Variants in ASXL2 observed in about 807,000 individuals in gnomAD.
ASXL2 encodes ASXL transcriptional regulator 2, also known as putative Polycomb group protein ASXL2.
ASXL2 carries 23 observed loss-of-function variants against 122.0 expected under a neutral mutation model. That is an observed-to-expected ratio of 0.19 (90% CI 0.14 to 0.27). ASXL2 has a LOEUF of 0.27. Ranked by LOEUF, ASXL2 falls within the 10% of genes least tolerant of loss-of-function variation. The pLI is 1.00. For missense variants in ASXL2, 1,518 were observed against 1,713.8 expected, an observed-to-expected ratio of 0.89 and a Z score of 2.02; for synonymous variants, 650 against 637.0, an observed-to-expected ratio of 1.02 and a Z score of -0.31.
intron 1 of ASXL2, among the ~76,000 whole-genome samples, chr2:25,874,361 T>C (rs1423081785): frequency 2.6e-5 from 4 of 152,118 alleles, no homozygotes; most frequent in African/African-American, 9.7e-5. Flanking sequence ...TGGCAGCGCA[T>C]GCCTGTAGTC....
At chr2:25,754,153 T>C (rs2088093241) in intron 10 of ASXL2, among the ~76,000 whole-genome samples, 1 of 152,122 alleles carries the variant, frequency 6.6e-6, no homozygotes, top group African/African-American at 2.4e-5. Context: ...TCTGGAGTTG[T>C]CAGTTTTCTA....
At chr2:25,840,431 C>T (rs2089567217) in intron 2 of ASXL2, among the ~76,000 whole-genome samples, 1 of 152,212 alleles carries the variant, frequency 6.6e-6, no homozygotes, top group Non-Finnish European at 1.5e-5. Flanking sequence ...GCATTAAGTA[C>T]ATTCACAATG....
intron 5 of ASXL2, among the ~76,000 whole-genome samples, chr2:25,786,987 A>AG (rs918221711): frequency 3.3e-5 from 5 of 151,918 alleles, no homozygotes; most frequent in African/African-American, 1.2e-4. Context: ...GGCAAAAAAA[A>AG]AAAAGAAAAA....
At chr2:25,750,790 G>A (rs933776393) in intron 11 of ASXL2, among the ~76,000 whole-genome samples, 6 of 152,200 alleles carry the variant, frequency 3.9e-5, no homozygotes, top group African/African-American at 1.4e-4. Context: ...TGCTTATAGA[G>A]GGGCCACATT....
chr2:25,783,979 G>A (rs911458716), intron 5 of ASXL2, among the ~76,000 whole-genome samples: 1 of 151,744 alleles, frequency 6.6e-6, no homozygotes, highest in African/African-American at 2.4e-5. Flanking sequence ...GCTTGAAATC[G>A]GAAGGCGGAG....
intron 4 of ASXL2, among the ~76,000 whole-genome samples, chr2:25,805,720 G>C (rs763155225): frequency 6.6e-6 from 1 of 152,008 alleles, no homozygotes; most frequent in Non-Finnish European, 1.5e-5. Context: ...CTGTCGCCCA[G>C]GCTGGAGTGC....
At chr2:25,834,003 T>C (rs1011895132) in intron 3 of ASXL2, among the ~76,000 whole-genome samples, 4 of 152,294 alleles carry the variant, frequency 2.6e-5, no homozygotes, top group Middle Eastern at 3.4e-3. Flanking sequence ...ATTCTTTAAA[T>C]AAATCTTGTT....
intron 1 of ASXL2, among the ~76,000 whole-genome samples, chr2:25,846,528 A>G (rs1277912680): frequency 1.3e-5 from 2 of 152,078 alleles, no homozygotes; most frequent in Non-Finnish European, 2.9e-5. Context: ...AGTGCCTGTA[A>G]TCCCAGCTAC....
chr2:25,789,258 C>CTATAT (rs2088794147), intron 5 of ASXL2, among the ~76,000 whole-genome samples: 1 of 150,050 alleles, frequency 6.7e-6, no homozygotes, highest in Non-Finnish European at 1.5e-5. Flanking sequence ...AATAACCACT[C>CTATAT]TATATAGTTT....
At chr2:25,799,647 G>A in intron 4 of ASXL2, 112 bp from the exon 5 acceptor site, 1 of 1,272,910 alleles carries the variant, frequency 7.9e-7, no homozygotes, top group Non-Finnish European at 1.1e-6. Flanking sequence ...TGTTACTATA[G>A]GATTCAGTAG....
At chr2:25,799,949 A>T (rs529669372) in intron 4 of ASXL2, among the ~76,000 whole-genome samples, 30 of 150,684 alleles carry the variant, frequency 2.0e-4, no homozygotes, top group Non-Finnish European at 3.5e-4. Flanking sequence ...GTTCAAGACC[A>T]GCCTGGGCAA....
intron 3 of ASXL2, among the ~76,000 whole-genome samples, chr2:25,811,660 A>G (rs1252141815): frequency 6.6e-6 from 1 of 152,200 alleles, no homozygotes; most frequent in Non-Finnish European, 1.5e-5. Context: ...GGTCAGATGG[A>G]AAGAAAGAAA....
chr2:25,762,988 C>T (rs541077516), intron 8 of ASXL2, among the ~76,000 whole-genome samples: 6 of 151,878 alleles, frequency 4.0e-5, no homozygotes, highest in East Asian at 3.9e-4. Context: ...ACTTGATGAT[C>T]GATAAGGTAA....
Position 25,742,143 on chromosome 2 carries a change from C to T in ASXL2, c.4194G>A (p.Ser1398=), listed in dbSNP as rs374945043. 221 of 1,614,026 alleles carry T rather than the reference C, an allele frequency of 1.4e-4. 1 individual carries two copies. The highest frequency in any genetic ancestry group is 1.7e-4 in the Non-Finnish European group (195 of 1,179,904). The change falls in exon 13 of 13, where the codon TCG becomes TCA. Residue 1398 remains serine, a synonymous_variant. Transcript: ENST00000435504. ...TGGCTTTCAAGCGGCAGTAACATTTCGAAGGCGTGCCCTCTATGCTGTTCT... is the reference window on the plus strand; with the variant it reads ...TGGCTTTCAAGCGGCAGTAACATTTTGAAGGCGTGCCCTCTATGCTGTTCT... ...SEENSIEGTP[S]KCYCRLKAMI...
At chr2:25,759,737 A>C in intron 8 of ASXL2, 92 bp from the exon 9 acceptor site, 1 of 1,293,402 alleles carries the variant, frequency 7.7e-7, no homozygotes, top group Non-Finnish European at 1.1e-6. Context: ...AAAATCCACA[A>C]TTGTAAGCAT....
At chr2:25,875,339 A>G (rs2090001583) in intron 1 of ASXL2, among the ~76,000 whole-genome samples, 1 of 152,124 alleles carries the variant, frequency 6.6e-6, no homozygotes, top group Non-Finnish European at 1.5e-5. Context: ...ACAGTGGCAC[A>G]TGCCTATAGT....
chr2:25,863,594 A>G (rs963302803), intron 1 of ASXL2, among the ~76,000 whole-genome samples: 3 of 151,184 alleles, frequency 2.0e-5, no homozygotes, highest in Admixed American at 2.0e-4. Flanking sequence ...TCGGGAGGCT[A>G]AGGCAGGAGA....
At chr2:25,814,135 A>C (rs558061818) in intron 3 of ASXL2, among the ~76,000 whole-genome samples, 1 of 152,382 alleles carries the variant, frequency 6.6e-6, no homozygotes, top group African/African-American at 2.4e-5. Flanking sequence ...TCTTTGAAGG[A>C]AACAAAATTT....
intron 4 of ASXL2, among the ~76,000 whole-genome samples, chr2:25,804,981 C>T (rs1366173782): frequency 3.3e-5 from 5 of 152,038 alleles, no homozygotes; most frequent in African/African-American, 4.8e-5. Flanking sequence ...ACCCAGGAAG[C>T]GGAGGTTGTA....
Sources: allele counts gnomAD v4.1 joint callset (sites outside exome capture counted in the v4.1 genomes callset), GRCh38; gene constraint gnomAD v4.1.1; transcripts MANE v1.5; gene names NCBI Gene and HGNC (gene_info 2026-07-23, HGNC 2026-07-21).